Variants in FBXL13 observed in about 807,000 individuals in gnomAD.
FBXL13 encodes the protein F-box and leucine-rich repeat protein 13.
FBXL13 carries 67 observed loss-of-function variants against 83.6 expected under a neutral mutation model. The observed-to-expected ratio is 0.80, with a 90% CI of 0.66 to 0.98. FBXL13 has a LOEUF of 0.98. Among genes scored for constraint, FBXL13 ranks in the 50% least tolerant of loss-of-function variants. The probability of loss-of-function intolerance (pLI) is 0.00; values close to 1 mark genes in which losing one functional copy is unlikely to be tolerated. For missense variants in FBXL13, 822 were observed against 866.5 expected, an observed-to-expected ratio of 0.95 and a Z score of 0.64; for synonymous variants, 272 against 299.5, an observed-to-expected ratio of 0.91 and a Z score of 0.95.
At position 102,992,489 on chromosome 7, in the gene FBXL13, G is replaced by GT. The variant is rs1220566916; in HGVS notation, c.496-24373dup. On this transcript the variant is annotated intron_variant, in intron 6 of 19. Coordinates refer to ENST00000313221, the Ensembl canonical transcript of FBXL13. ...TGTGGCTGCCTCTTACTGGGGTATA[G>GT]TTTTTTGTCTTTCATATGCTAGATC... is the stretch of plus-strand genomic sequence containing the variant. Among the ~76,000 whole-genome samples, 37 of 152,140 alleles carry GT rather than the reference G, an allele frequency of 2.4e-4. 1 individual carries two copies. Among genetic ancestry groups the GT allele is most frequent in the Non-Finnish European group, 3.1e-4 (21 of 68,034 alleles).
At chr7:103,008,591 T>C (rs1178854857) in intron 6 of FBXL13, among the ~76,000 whole-genome samples, 1 of 152,194 alleles carries the variant, frequency 6.6e-6, no homozygotes, top group Non-Finnish European at 1.5e-5. Flanking sequence ...AGAGACTCAC[T>C]CTGTCATCCA....
Position 102,878,459 on chromosome 7 carries a change from AAG to A in FBXL13, c.1389-11_1389-10del. 3 of 1,557,566 alleles carry A rather than the reference AAG, an allele frequency of 1.9e-6. No homozygotes were observed. Among genetic ancestry groups the A allele is most frequent in the Admixed American group, 1.9e-5 (1 of 52,476 alleles). ...GTCCCATATCACCAATTCTGTAGGA[AAG>A]AGAGAAAAATTTTACATGTGATTCT... On this transcript the variant is annotated splice_polypyrimidine_tract_variant and intron_variant, in intron 14 of 19. Transcript: ENST00000313221.
chr7:103,033,062 T>A (rs1333302195), intron 2 of FBXL13, among the ~76,000 whole-genome samples: 2 of 151,812 alleles, frequency 1.3e-5, no homozygotes, highest in Non-Finnish European at 2.9e-5. Context: ...TCTCTCTCCA[T>A]CCCCCCATAC....
rs149322619 is a variant in FBXL13, at chr7:102,901,999, G to A, written c.1008+11087C>T. Among the ~76,000 whole-genome samples, 2,393 of 152,158 alleles carry A rather than the reference G, an allele frequency of 0.016. 119 individuals are homozygous for A. In the East Asian group the frequency reaches 0.16, roughly 10 times the overall value. Reference sequence around the variant, plus strand: ...GATAGCTCAATTTTTAGTTTTTTGAGGAACCTCCAAACTGTTCTCCATAGT... The same window carrying A: ...GATAGCTCAATTTTTAGTTTTTTGAAGAACCTCCAAACTGTTCTCCATAGT... On this transcript the variant is annotated intron_variant, in intron 11 of 19. Coordinates refer to ENST00000313221, the Ensembl canonical transcript of FBXL13.
intron 8 of FBXL13, among the ~76,000 whole-genome samples, 189 bp downstream of exon 9, chr7:102,963,340 CAAAG>C (rs755784673): frequency 6.6e-6 from 1 of 151,374 alleles, no homozygotes; most frequent in Non-Finnish European, 1.5e-5. Flanking sequence ...AAAGAATAGA[CAAAG>C]AACCAACTCC....
chr7:103,060,399 A>T (rs890311131), intron 1 of FBXL13, among the ~76,000 whole-genome samples: 4 of 152,108 alleles, frequency 2.6e-5, no homozygotes, highest in African/African-American at 9.7e-5. Flanking sequence ...CACCTTAATT[A>T]GAGGAAAACA....
intron 19 of FBXL13, among the ~76,000 whole-genome samples, chr7:102,817,656 C>T (rs1279064018): frequency 6.6e-6 from 1 of 152,084 alleles, no homozygotes; most frequent in Non-Finnish European, 1.5e-5. Flanking sequence ...GGAGAAACCT[C>T]TCTCTCTCTC....
At chr7:103,017,728 T>C (rs1052131526) in intron 6 of FBXL13, among the ~76,000 whole-genome samples, 2 of 152,038 alleles carry the variant, frequency 1.3e-5, no homozygotes, top group African/African-American at 2.4e-5. Flanking sequence ...GTATCAGTGA[T>C]TGAAGATCAA....
chr7:102,855,060 G>C (rs1805835781), intron 16 of FBXL13, among the ~76,000 whole-genome samples, 200 bp from the exon 18 acceptor site: 2 of 152,084 alleles, frequency 1.3e-5, no homozygotes, highest in Non-Finnish European at 2.9e-5. Flanking sequence ...AAAATTTTCA[G>C]GTTGTCTCTA....
At position 102,822,379 on chromosome 7, in the gene FBXL13, G is replaced by T; in HGVS notation, c.1855-176C>A. 3 of 717,404 alleles carry T rather than the reference G, an allele frequency of 4.2e-6. No homozygotes were observed. In the South Asian group the frequency reaches 4.5e-5, roughly 11 times the overall value. 44.4% of individuals were successfully genotyped at this position (717,404 alleles called of 1,614,324 possible). On this transcript the variant is annotated intron_variant, in intron 18 of 19. Coordinates refer to ENST00000313221, the Ensembl canonical transcript of FBXL13. ...GTCCAAGACTGAGATAAAGATAGAG[G>T]TACCTGCAATTGGTGTCTTGGGAAG...
At chr7:102,828,402 T>G (rs1305990105) in intron 18 of FBXL13, among the ~76,000 whole-genome samples, 1 of 152,196 alleles carries the variant, frequency 6.6e-6, no homozygotes, top group Non-Finnish European at 1.5e-5. Flanking sequence ...ATTTTCCTTA[T>G]GGTCATTTTA....
chr7:103,055,185 TAAC>T lies in FBXL13; in HGVS notation c.-1+456_-1+458del. On this transcript the variant is annotated intron_variant, in intron 2 of 19. Coordinates refer to ENST00000313221, the Ensembl canonical transcript of FBXL13. ...TGGAGTAATGCACATATCCCTTTAA[TAAC>T]ATCATAAAATACAGTCAAAATTAAT... 2 of 1,263,200 alleles carry T rather than the reference TAAC, an allele frequency of 1.6e-6. No homozygotes were observed. The highest frequency in any genetic ancestry group is 2.1e-6 in the Non-Finnish European group (2 of 970,260). The allele number at this position is 1,263,200 out of a possible 1,614,324, so 78.2% of individuals were successfully genotyped here.
intron 18 of FBXL13, among the ~76,000 whole-genome samples, chr7:102,830,280 T>A (rs1221061886): frequency 6.6e-6 from 1 of 152,220 alleles, no homozygotes; most frequent in African/African-American, 2.4e-5. Flanking sequence ...TCTTTTCTCA[T>A]TCTCCTACTT....
chr7:102,946,438 T>G (rs1822504021), intron 8 of FBXL13, among the ~76,000 whole-genome samples: 2 of 152,188 alleles, frequency 1.3e-5, no homozygotes, highest in African/African-American at 4.8e-5. Context: ...TCCATGGCTG[T>G]CTGGCACCAG....
At chr7:102,954,692 G>A (rs1448619420) in intron 8 of FBXL13, among the ~76,000 whole-genome samples, 4 of 151,984 alleles carry the variant, frequency 2.6e-5, no homozygotes, top group Admixed American at 6.6e-5. Context: ...AAAGGGATGC[G>A]GGAAGATCTA....
At chr7:103,030,953 G>GGAGGGAGC (rs945117334) in intron 2 of FBXL13, 3 of 152,082 alleles carry the variant, frequency 2.0e-5, no homozygotes, top group South Asian at 2.1e-4. Flanking sequence ...TGCAAGGGAG[G>GGAGGGAGC]GAGGGAGCGA....
chr7:102,940,009 C>T (rs1279085661), intron 8 of FBXL13, among the ~76,000 whole-genome samples: 1 of 151,890 alleles, frequency 6.6e-6, no homozygotes, highest in Non-Finnish European at 1.5e-5. Context: ...ATTCTCCTGC[C>T]TCAGCCTCCC....
At chr7:102,963,718 T>C (rs925446241) in intron 7 of FBXL13, 53 bp from the exon 9 acceptor site, 31 of 1,538,060 alleles carry the variant, frequency 2.0e-5, no homozygotes, top group African/African-American at 8.4e-5. Flanking sequence ...CCAAAAACAA[T>C]TGCAACAAAA....
intron 16 of FBXL13, among the ~76,000 whole-genome samples, chr7:102,865,435 G>A (rs541544693): frequency 1.3e-5 from 2 of 152,138 alleles, no homozygotes; most frequent in South Asian, 2.1e-4. Flanking sequence ...TCTCCCAAGC[G>A]ATCTTCCCTT....
Sources: gnomAD v4.1 joint callset for allele counts (sites outside exome capture counted in the v4.1 genomes callset) on GRCh38, gnomAD v4.1.1 for gene constraint, MANE v1.5 for transcripts, NCBI Gene and HGNC (gene_info 2026-07-23, HGNC 2026-07-21) for gene names.